KIAA1217: variants seen among roughly 807,000 people sequenced by gnomAD.
KIAA1217 encodes sickle tail protein homolog.
In KIAA1217, 88 loss-of-function variants were observed where a neutral mutation model predicts 163.9. The observed-to-expected ratio is 0.54, with a 90% CI of 0.45 to 0.64. The LOEUF is 0.64. KIAA1217 is among the 30% of genes least tolerant of loss of function. KIAA1217 has a pLI of 0.00. For synonymous variants in KIAA1217, 903 were observed against 923.1 expected (o/e 0.98, Z 0.39); for missense variants, 2,372 against 2,475.0 (o/e 0.96, Z 0.88).
intron 1 of KIAA1217, among the ~76,000 whole-genome samples, chr10:23,980,429 G>T (rs917290081): frequency 6.6e-6 from 1 of 152,190 alleles, no homozygotes; most frequent in African/African-American, 2.4e-5. Context: ...TGTCTGAGGA[G>T]TCCAGCCTTC....
At chr10:24,180,469 T>C (rs2066123806) in intron 2 of KIAA1217, among the ~76,000 whole-genome samples, 1 of 151,904 alleles carries the variant, frequency 6.6e-6, no homozygotes, top group African/African-American at 2.4e-5. Flanking sequence ...ATATTTTTAA[T>C]AGAGATGTGG....
intron 2 of KIAA1217, among the ~76,000 whole-genome samples, chr10:24,052,590 G>GTGCATATAT (rs11275745): frequency 0.49 from 73,657 of 151,320 alleles, 18,516 homozygotes; most frequent in Non-Finnish European, 0.53. Flanking sequence ...TCAGTTCTTG[G>GTGCATATAT]TGCTTCCAAC....
intron 10 of KIAA1217, among the ~76,000 whole-genome samples, chr10:24,516,999 G>A (rs1206128889): frequency 2.6e-5 from 4 of 151,842 alleles, no homozygotes; most frequent in Non-Finnish European, 4.4e-5. Context: ...GACACCCAAT[G>A]TCTACAAAAT....
intron 2 of KIAA1217, among the ~76,000 whole-genome samples, chr10:24,168,282 C>T (rs922505323): frequency 2.0e-5 from 3 of 152,022 alleles, no homozygotes; most frequent in African/African-American, 7.2e-5. Context: ...ATTTTTAATC[C>T]TAAAGCTTAC....
At chr10:23,934,577 A>ATATATATATGTATATATATATATATG (rs1843414424) in intron 1 of KIAA1217, among the ~76,000 whole-genome samples, 1 of 57,914 alleles carries the variant, frequency 1.7e-5, no homozygotes, top group Non-Finnish European at 2.9e-5. Context: ...ATATATATAT[A>ATATATATATGTATATATATATATATG]TATATATATA....
At chr10:24,297,332 C>T (rs1275441305) in intron 2 of KIAA1217, among the ~76,000 whole-genome samples, 3 of 152,152 alleles carry the variant, frequency 2.0e-5, no homozygotes, top group African/African-American at 4.8e-5. Flanking sequence ...CTCAGTGTGA[C>T]GTAAGTAACT....
At chr10:23,840,663 AG>A (rs1367194771) in intron 1 of KIAA1217, among the ~76,000 whole-genome samples, 5 of 152,204 alleles carry the variant, frequency 3.3e-5, no homozygotes, top group Non-Finnish European at 7.3e-5. Flanking sequence ...CTACGAATGA[AG>A]GCTTTCCCCT....
At chr10:24,115,459 G>A (rs2063015124) in intron 2 of KIAA1217, among the ~76,000 whole-genome samples, 1 of 152,162 alleles carries the variant, frequency 6.6e-6, no homozygotes. Context: ...AAAAAATGTG[G>A]GCTGGCATTG....
At chr10:24,111,404 A>G (rs922809006) in intron 2 of KIAA1217, among the ~76,000 whole-genome samples, 1 of 151,062 alleles carries the variant, frequency 6.6e-6, no homozygotes, top group Non-Finnish European at 1.5e-5. Context: ...CTGTGCCCGT[A>G]AAAAAAGATA....
chr10:24,098,731 G>GTGTGTT (rs1564699171), intron 2 of KIAA1217, among the ~76,000 whole-genome samples: 1 of 145,218 alleles, frequency 6.9e-6, no homozygotes, highest in Non-Finnish European at 1.5e-5. Context: ...GAGCGTGTGT[G>GTGTGTT]TGTGTGTGTG....
intron 2 of KIAA1217, among the ~76,000 whole-genome samples, chr10:24,049,780 G>A (rs1461779371): frequency 6.6e-6 from 1 of 152,174 alleles, no homozygotes; most frequent in African/African-American, 2.4e-5. Flanking sequence ...GTGTGCATGT[G>A]TCTTTATAGT....
rs539345195 is a variant in KIAA1217, at chr10:23,695,393, C to A, written c.-321+159C>A. Among the ~76,000 whole-genome samples the A allele has an allele frequency of 6.6e-6, 1 of 152,138 alleles. No homozygotes were observed. The highest frequency in any genetic ancestry group is 1.5e-5 in the Non-Finnish European group (1 of 68,010). On this transcript the variant is annotated intron_variant, in intron 1 of 18. Transcript: ENST00000376462. This position sits in a 1 kb window ranked among gnomAD's most constrained non-coding sequence, Gnocchi z 4.9. ...GTTTCGAGAGAGGGCAAGGACCCCC[C>A]CAGGAGGGCCAGGCCGGGAGGGGTC...
chr10:24,196,047 C>T (rs1287749079), intron 2 of KIAA1217, among the ~76,000 whole-genome samples: 1 of 151,866 alleles, frequency 6.6e-6, no homozygotes, highest in Non-Finnish European at 1.5e-5. Context: ...GGCAGGAGGA[C>T]TGCTTGAACC....
intron 2 of KIAA1217, among the ~76,000 whole-genome samples, chr10:24,291,836 G>A (rs1261268230): frequency 2.0e-5 from 3 of 151,972 alleles, no homozygotes; most frequent in Non-Finnish European, 4.4e-5. Flanking sequence ...TTAAATACAG[G>A]GAATCCTGAA....
intron 2 of KIAA1217, among the ~76,000 whole-genome samples, chr10:24,043,057 C>T (rs1230696876): frequency 6.6e-6 from 1 of 152,116 alleles, no homozygotes; most frequent in Non-Finnish European, 1.5e-5. Flanking sequence ...TTTCACCTAG[C>T]AAGAGTGTTG....
chr10:24,498,154 G>A (rs2067056237), intron 8 of KIAA1217, among the ~76,000 whole-genome samples: 3 of 152,104 alleles, frequency 2.0e-5, no homozygotes, highest in Admixed American at 2.0e-4. Flanking sequence ...GACCTTGGTG[G>A]GTGGTGGTAG....
chr10:23,809,271 G>C (rs868519757), intron 1 of KIAA1217, among the ~76,000 whole-genome samples: 2 of 152,120 alleles, frequency 1.3e-5, no homozygotes, highest in Middle Eastern at 3.4e-3. Context: ...ACGCAAAACA[G>C]TGATAACAAG....
rs539253373 is a variant in KIAA1217, at chr10:23,810,955, A to C, written c.-321+115721A>C. 8.7e-3 allele frequency among the ~76,000 whole-genome samples: 1,011 copies of C among 116,604 alleles called. 11 individuals carry two copies. Among genetic ancestry groups the C allele is most frequent in the African/African-American group, 0.032 (888 of 27,450 alleles). 76.5% of individuals were successfully genotyped at this position (116,604 alleles called of 152,430 possible). On this transcript the variant is annotated intron_variant, in intron 1 of 18. Transcript: ENST00000376462. Reference sequence around the variant, plus strand: ...TATATACTATAGTATATATTATATAATATATATAGTATATATTATATACTA... The same window carrying C: ...TATATACTATAGTATATATTATATACTATATATAGTATATATTATATACTA...
At chr10:24,345,492 C>CT (rs1315263763) in intron 2 of KIAA1217, among the ~76,000 whole-genome samples, 1 of 152,188 alleles carries the variant, frequency 6.6e-6, no homozygotes, top group Non-Finnish European at 1.5e-5. Flanking sequence ...TATGGAAACA[C>CT]TAACGGGACC....
Sources: allele counts gnomAD v4.1 joint callset (sites outside exome capture counted in the v4.1 genomes callset), GRCh38; gene constraint gnomAD v4.1.1; non-coding constraint Gnocchi (gnomAD v3.1); transcripts MANE v1.5; gene names NCBI Gene and HGNC (gene_info 2026-07-23, HGNC 2026-07-21).